ZFP64: variants seen among roughly 807,000 people sequenced by gnomAD.
The protein encoded by ZFP64 is zinc finger protein 64.
A neutral mutation model predicts 51.6 loss-of-function variants in ZFP64; 14 were observed. The ratio of observed to expected loss-of-function variants is 0.27; its 90% confidence interval spans 0.18 to 0.42. ZFP64 has a LOEUF of 0.42. Among genes scored for constraint, ZFP64 ranks in the 10% least tolerant of loss-of-function variants. The pLI is 1.00. For synonymous variants in ZFP64, 375 were observed against 361.4 expected (o/e 1.04, Z -0.43); for missense variants, 754 against 906.8 (o/e 0.83, Z 2.16).
intron 7 of ZFP64, chr20:52,088,682 G>A: frequency 1.2e-6 from 2 of 1,611,778 alleles, no homozygotes; most frequent in Non-Finnish European, 1.7e-6. Flanking sequence ...AGGTTTTTTG[G>A]TCAAGATGGC....
rs531747003 is a variant in ZFP64, at chr20:52,160,812, G to C, written c.512-438C>G. On this transcript the variant is annotated intron_variant, in intron 4 of 5. Transcript: ENST00000216923. The surrounding 1 kb of genome is among the most constrained non-coding windows in gnomAD (Gnocchi z 4.2). ...GGGAAAGATTACACTTCTCAGCCTC[G>C]CCTGCAGCTAGCTGTGATCTGTGAC... Among the ~76,000 whole-genome samples, 1 of 152,108 alleles carries C rather than the reference G, an allele frequency of 6.6e-6. No homozygotes were observed. The highest frequency in any genetic ancestry group is 1.9e-4 in the East Asian group (1 of 5,194).
intron 5 of ZFP64, among the ~76,000 whole-genome samples, chr20:52,103,654 A>G (rs756106609): frequency 2.6e-5 from 4 of 152,146 alleles, no homozygotes; most frequent in Non-Finnish European, 4.4e-5. Context: ...TCTCTTCTAT[A>G]AACACCTCCC....
At chr20:52,084,554 G>A (rs1490300331) in exon 9 of ZFP64, 2 of 1,610,512 alleles carry the variant, frequency 1.2e-6, no homozygotes, top group Non-Finnish European at 1.7e-6. Context: ...CTCTTCGGCT[G>A]AGCTAGAGGT....
intron 7 of ZFP64, among the ~76,000 whole-genome samples, chr20:52,090,935 A>AG (rs1235223899): frequency 1.4e-5 from 2 of 142,092 alleles, no homozygotes; most frequent in East Asian, 2.0e-4. Context: ...ACCAAAAAAA[A>AG]AAAAAAAAAA....
In ZFP64 at chr20:52,151,487, A is replaced by G; in HGVS notation, c.*659T>C. On this transcript the variant is annotated 3_prime_UTR_variant, in exon 6 of 6. Transcript: ENST00000216923. ...AAAGAGAGGCTGGGAAGTACCATTT[A>G]CTACACAAATGTAATAAGATGGACA... The G allele has an allele frequency of 1.0e-6, 1 of 985,494 alleles. No individual in the cohort carries two copies. The highest frequency in any genetic ancestry group is 1.2e-6 in the Non-Finnish European group (1 of 830,000). The allele number at this position is 985,494 out of a possible 1,614,324, so 61.0% of individuals were successfully genotyped here. A position where few individuals can be genotyped will look rare whatever the true frequency, so the allele number is the denominator to read the frequency against.
chr20:52,174,806 T>C (rs1348223575), intron 2 of ZFP64, among the ~76,000 whole-genome samples: 1 of 152,214 alleles, frequency 6.6e-6, no homozygotes, highest in Non-Finnish European at 1.5e-5. Flanking sequence ...GTTAAAATGG[T>C]ACAGATGTTT....
intron 5 of ZFP64, chr20:52,105,542 TC>T (rs1423050598): frequency 1.3e-5 from 4 of 302,998 alleles, no homozygotes; most frequent in Admixed American, 5.2e-5. Context: ...TTTAACAAGA[TC>T]CCCAGGTGAT....
chr20:52,143,980 T>C lies in ZFP64; in HGVS notation c.763+16143A>G, dbSNP rs1980394663. On this transcript the variant is annotated intron_variant, in intron 5 of 8. Transcript: ENST00000361387. Reference sequence around the variant, plus strand: ...GAGATACTGACCAGTTTTGGATCTGTTGGTGAATTTATTTCAGCATTCCTG... The same window carrying C: ...GAGATACTGACCAGTTTTGGATCTGCTGGTGAATTTATTTCAGCATTCCTG... Among the ~76,000 whole-genome samples the C allele has an allele frequency of 2.1e-5, 3 of 143,552 alleles. 1 individual carries two copies. In the East Asian group the frequency reaches 7.3e-4, roughly 35 times the overall value. The allele number at this position is 143,552 out of a possible 152,430, so 94.2% of individuals were successfully genotyped here.
chr20:52,104,543 G>T (rs2079089306), intron 5 of ZFP64: 3 of 360,496 alleles, frequency 8.3e-6, no homozygotes, highest in South Asian at 2.1e-5. Context: ...CCCACCGTCT[G>T]CCCCCATCAC....
At chr20:52,105,218 G>A (rs1028162342) in intron 5 of ZFP64, 1 of 1,365,068 alleles carries the variant, frequency 7.3e-7, no homozygotes, top group Non-Finnish European at 9.4e-7. Flanking sequence ...CTGGGGCTTG[G>A]CCTGCTTGCG....
At chr20:52,119,858 G>A (rs6126468) in intron 5 of ZFP64, among the ~76,000 whole-genome samples, 13 of 152,206 alleles carry the variant, frequency 8.5e-5, no homozygotes, top group African/African-American at 3.1e-4. Context: ...CAGGAGATAA[G>A]GTGAAGGAGT....
intron 5 of ZFP64, among the ~76,000 whole-genome samples, chr20:52,128,970 G>A (rs1251497111): frequency 2.6e-5 from 4 of 151,992 alleles, no homozygotes; most frequent in Non-Finnish European, 5.9e-5. Flanking sequence ...CTGGAGTGCA[G>A]TGGCACGATC....
Position 52,160,440 on chromosome 20 carries a change from C to T in ZFP64, c.512-66G>A. 1.3e-6 allele frequency: 2 copies of T among 1,527,564 alleles called. No homozygotes were observed. Among genetic ancestry groups the T allele is most frequent in the East Asian group, 4.5e-5 (2 of 44,150 alleles). 94.6% of individuals were successfully genotyped at this position (1,527,564 alleles called of 1,614,324 possible). A position where few individuals can be genotyped will look rare whatever the true frequency, so the allele number is the denominator to read the frequency against. On this transcript the variant is annotated intron_variant, in intron 4 of 5. Transcript: ENST00000216923. This position sits in a 1 kb window ranked among gnomAD's most constrained non-coding sequence, Gnocchi z 4.2. The stretch of plus-strand genomic sequence containing the variant: ...ATTAAAAAAGGAAAAGGCTTATTTC[C>T]CACTGCCTTACGAAAAAAGTCATAT...
chr20:52,133,228 G>A (rs1267510847), intron 5 of ZFP64, among the ~76,000 whole-genome samples: 3 of 152,092 alleles, frequency 2.0e-5, no homozygotes, highest in East Asian at 3.9e-4. Flanking sequence ...AGCCATATAC[G>A]ACAGACCCAC....
At chr20:52,099,966 A>C (rs764320059) in intron 5 of ZFP64, among the ~76,000 whole-genome samples, 8 of 152,216 alleles carry the variant, frequency 5.3e-5, no homozygotes, top group Non-Finnish European at 1.2e-4. Context: ...ACTTAAATCT[A>C]AAAGGAAAAA....
chr20:52,162,335 C>T (rs893436072), intron 4 of ZFP64, among the ~76,000 whole-genome samples: 1 of 147,312 alleles, frequency 6.8e-6, no homozygotes, highest in Non-Finnish European at 1.5e-5. Flanking sequence ...TATTATTAAA[C>T]ATTTTAGTAG....
At chr20:52,157,311 TATGGC>T (rs1246693978) in intron 5 of ZFP64, among the ~76,000 whole-genome samples, 1 of 152,202 alleles carries the variant, frequency 6.6e-6, no homozygotes, top group African/African-American at 2.4e-5. Flanking sequence ...GAACTGTGGG[TATGGC>T]TTTTGGCATA....
intron 5 of ZFP64, among the ~76,000 whole-genome samples, chr20:52,118,295 G>T (rs1376550250): frequency 1.3e-5 from 2 of 151,834 alleles, no homozygotes; most frequent in Non-Finnish European, 2.9e-5. Context: ...CAACAACATG[G>T]ATCCAAGTCT....
intron 7 of ZFP64, among the ~76,000 whole-genome samples, chr20:52,096,181 T>C (rs1457985934): frequency 6.6e-6 from 1 of 152,198 alleles, no homozygotes; most frequent in Admixed American, 6.5e-5. Context: ...TCTGGCCATG[T>C]GTTGCCCCGC....
Sources: allele counts gnomAD v4.1 joint callset (sites outside exome capture counted in the v4.1 genomes callset), GRCh38; gene constraint gnomAD v4.1.1; non-coding constraint Gnocchi (gnomAD v3.1); transcripts MANE v1.5; gene names NCBI Gene and HGNC (gene_info 2026-07-23, HGNC 2026-07-21).